CNTN3: variants seen among roughly 807,000 people sequenced by gnomAD.
The protein encoded by CNTN3 is contactin 3.
In CNTN3, 60 loss-of-function variants were observed where a neutral mutation model predicts 119.1. The observed-to-expected ratio is 0.50, with a 90% CI of 0.41 to 0.62. CNTN3 has a LOEUF of 0.62. CNTN3 is among the 20% of genes least tolerant of loss of function. CNTN3 has a pLI of 0.00. For missense variants in CNTN3, 1,101 were observed against 1,242.4 expected, an observed-to-expected ratio of 0.89 and a Z score of 1.71; for synonymous variants, 450 against 438.7, an observed-to-expected ratio of 1.03 and a Z score of -0.32.
rs370191030 is a variant in CNTN3 at position 74,499,683 on chromosome 3, C to T, written c.158G>A (p.Arg53Lys). The T allele has an allele frequency of 4.0e-5, 64 of 1,610,716 alleles. No homozygotes were observed. In the South Asian group the frequency reaches 6.9e-4, roughly 17 times the overall value. ...CCTGTAATGAGGTGATGGATTGCCT[C>T]TTGCTTCACAATGCAAAGTTATTTT... ...DKKITLHCEA[R>K]GNPSPHYRWQ... Residue 53 changes from arginine to lysine, a missense_variant, in exon 3 of 23, where the codon AGA (arginine) becomes AAA (lysine). Arg to Lys is a conservative substitution (Grantham distance 26). Coordinates refer to ENST00000263665, the MANE Select transcript of CNTN3 (RefSeq NM_020872.3).
At chr3:74,562,728 C>G (rs1419652094) in intron 1 of CNTN3, among the ~76,000 whole-genome samples, 1 of 152,080 alleles carries the variant, frequency 6.6e-6, no homozygotes, top group Non-Finnish European at 1.5e-5. Flanking sequence ...AATGCTTTCT[C>G]CCAAGTCATT....
chr3:74,521,431 A>G lies in CNTN3; in HGVS notation c.-80-239T>C, dbSNP rs535079630. ...GAATTTGAAATGTTTACCAATATTA[A>G]AATATTAAATTTTAATATATTAATT... On this transcript the variant is annotated intron_variant, in intron 1 of 22. Coordinates refer to ENST00000263665, the MANE Select transcript of CNTN3 (RefSeq NM_020872.3). 6.4e-4 allele frequency among the ~76,000 whole-genome samples: 96 copies of G among 151,148 alleles called. 1 individual carries two copies. The highest frequency in any genetic ancestry group is 2.2e-3 in the African/African-American group (93 of 41,474).
chr3:74,300,851 G>T (rs550581981), intron 16 of CNTN3, among the ~76,000 whole-genome samples: 1 of 152,226 alleles, frequency 6.6e-6, no homozygotes, highest in African/African-American at 2.4e-5. Context: ...TTAATGCTAG[G>T]ATATTTCTAG....
At chr3:74,424,785 G>A (rs1268275269) in intron 5 of CNTN3, 60 bp downstream of exon 5, 28 of 1,340,036 alleles carry the variant, frequency 2.1e-5, no homozygotes, top group Admixed American at 1.0e-4. Flanking sequence ...CAGTACATGC[G>A]CTGCAGGCCT....
At chr3:74,285,790 G>GATAGAT (rs1395730243) in intron 19 of CNTN3, among the ~76,000 whole-genome samples, 23 of 56,514 alleles carry the variant, frequency 4.1e-4, no homozygotes, top group East Asian at 1.1e-3. Context: ...ATGAAGGGGA[G>GATAGAT]ATATATATAT....
rs1702092087 is a variant in CNTN3 at position 74,285,461 on chromosome 3, C to T, written c.2548G>A (p.Glu850Lys). The change falls in exon 20 of 23, where the codon GAA becomes AAA. Residue 850 changes from glutamate (E) to lysine (K), a missense_variant. Transcript: ENST00000263665. The stretch of plus-strand genomic sequence containing the variant: ...GCCACTTTCATCTTACTGGATGATT[C>T]CTCCTTTCCACCCCCATTCCAGTAC... ...VRYWNGGGKEESSSKMKVAGN... is the reference protein window; with the variant it reads ...VRYWNGGGKEKSSSKMKVAGN... 1 of 1,612,142 alleles carries T rather than the reference C, an allele frequency of 6.2e-7. No homozygotes were observed. Among genetic ancestry groups the T allele is most frequent in the Non-Finnish European group, 8.5e-7 (1 of 1,179,122 alleles).
At chr3:74,594,709 G>T (rs1176432444) in intron 1 of CNTN3, among the ~76,000 whole-genome samples, 1 of 152,140 alleles carries the variant, frequency 6.6e-6, no homozygotes, top group East Asian at 1.9e-4. Flanking sequence ...TTGGACATTT[G>T]GGTTGGTCCC....
At chr3:74,595,093 T>A (rs1704779432) in intron 1 of CNTN3, among the ~76,000 whole-genome samples, 1 of 152,032 alleles carries the variant, frequency 6.6e-6, no homozygotes, top group South Asian at 2.1e-4. Flanking sequence ...CATAAATGTC[T>A]TCTTTTGAGA....
chr3:74,390,296 A>T (rs1704864681), intron 5 of CNTN3, among the ~76,000 whole-genome samples: 1 of 151,718 alleles, frequency 6.6e-6, no homozygotes, highest in Non-Finnish European at 1.5e-5. Context: ...CAAGGGTTTG[A>T]CTAAATAGAA....
At chr3:74,458,266 C>A (rs1213107544) in intron 4 of CNTN3, among the ~76,000 whole-genome samples, 2 of 151,976 alleles carry the variant, frequency 1.3e-5, no homozygotes, top group Non-Finnish European at 2.9e-5. Context: ...AGTAGTTTAT[C>A]TTTTTCAGGA....
intron 1 of CNTN3, among the ~76,000 whole-genome samples, chr3:74,599,694 C>G (rs1704876995): frequency 6.6e-6 from 1 of 152,072 alleles, no homozygotes; most frequent in Non-Finnish European, 1.5e-5. Flanking sequence ...CCACCAAAGC[C>G]TCTGTGGGAA....
rs184347190 is a variant in CNTN3 at position 74,450,751 on chromosome 3, G to A, written c.359-25811C>T. Among the ~76,000 whole-genome samples, 648 of 146,918 alleles carry A rather than the reference G, an allele frequency of 4.4e-3. 3 individuals carry two copies. The highest frequency in any genetic ancestry group is 0.015 in the African/African-American group (595 of 39,646). ...TTGCTCAATTCCCACCTATGAGTGAGAATATGCAGTGTTTGGTTTTTTGTT... is the reference window on the plus strand; with the variant it reads ...TTGCTCAATTCCCACCTATGAGTGAAAATATGCAGTGTTTGGTTTTTTGTT... On this transcript the variant is annotated intron_variant, in intron 4 of 22. Transcript: ENST00000263665.
Position 74,369,215 on chromosome 3 carries a change from A to T in CNTN3, c.920T>A (p.Val307Asp). ...ATAGTAAGTGAGACGCCCTCTGGCA[A>T]CATTTTTTCCTCGTGAATTCTCAGC... ...CIAENSRGKN[V>D]ARGRLTYYAK... Residue 307 changes from valine to aspartate, a missense_variant, in exon 8 of 23, where the codon GTT becomes GAT. Val to Asp is a radical substitution (Grantham distance 152). Coordinates refer to ENST00000263665, the MANE Select transcript of CNTN3 (RefSeq NM_020872.3). 1.2e-6 allele frequency: 2 copies of T among 1,604,810 alleles called. No individual in the cohort carries two copies.
Position 74,309,790 on chromosome 3 carries a change from C to A in CNTN3, c.1669-6983G>T, listed in dbSNP as rs145249904. Among the ~76,000 whole-genome samples the A allele has an allele frequency of 4.3e-3, 648 of 152,276 alleles. 17 individuals carry two copies. Among genetic ancestry groups the A allele is most frequent in the Admixed American group, 0.034 (523 of 15,302 alleles). ...GGTAGGCTGTGTAGGCTGTATACTG[C>A]TGAACTCATAAGCCGAAAGCAATAC... On this transcript the variant is annotated intron_variant, in intron 13 of 22. Coordinates refer to ENST00000263665, the MANE Select transcript of CNTN3 (RefSeq NM_020872.3).
chr3:74,588,355 A>G (rs1410989551), intron 1 of CNTN3, among the ~76,000 whole-genome samples: 1 of 152,120 alleles, frequency 6.6e-6, no homozygotes, highest in African/African-American at 2.4e-5. Context: ...CCCGTTCACA[A>G]TTGCTTCAAA....
At chr3:74,315,475 C>T (rs891539343) in intron 13 of CNTN3, among the ~76,000 whole-genome samples, 1 of 152,124 alleles carries the variant, frequency 6.6e-6, no homozygotes, top group African/African-American at 2.4e-5. Flanking sequence ...CCAGTAACAA[C>T]AGCAGGTTAC....
chr3:74,394,402 CTT>C (rs1298250964), intron 5 of CNTN3, among the ~76,000 whole-genome samples: 3 of 152,108 alleles, frequency 2.0e-5, no homozygotes, highest in Non-Finnish European at 2.9e-5. Context: ...AAATAGCTGA[CTT>C]AATTTTTAAA....
At chr3:74,384,789 C>T (rs1333635950) in intron 5 of CNTN3, among the ~76,000 whole-genome samples, 1 of 152,130 alleles carries the variant, frequency 6.6e-6, no homozygotes, top group East Asian at 1.9e-4. Flanking sequence ...TTTCTAGACA[C>T]TTTTTCTGTC....
intron 1 of CNTN3, among the ~76,000 whole-genome samples, chr3:74,575,371 C>A (rs913312055): frequency 6.6e-6 from 1 of 151,966 alleles, no homozygotes; most frequent in Admixed American, 6.6e-5. Context: ...CCTGCCTCAG[C>A]CTCCTGAGTA....
Sources: allele counts gnomAD v4.1 joint callset (sites outside exome capture counted in the v4.1 genomes callset), GRCh38; gene constraint gnomAD v4.1.1; transcripts MANE v1.5; gene names NCBI Gene and HGNC (gene_info 2026-07-23, HGNC 2026-07-21).